The following FBRSL1 variants were observed in gnomAD, a reference collection of about 807,000 sequenced individuals.
FBRSL1 encodes fibrosin-1-like protein.
Under a neutral mutation model 89.6 loss-of-function variants are expected in FBRSL1, and 51 were observed. The observed-to-expected ratio is 0.57, with a 90% CI of 0.45 to 0.72. The LOEUF (loss-of-function observed/expected upper bound fraction) is 0.72. Ranked by LOEUF, FBRSL1 falls within the 30% of genes least tolerant of loss-of-function variation. The pLI is 0.00. For missense variants in FBRSL1, 1,618 were observed against 1,451.8 expected, an observed-to-expected ratio of 1.11 and a Z score of -1.86; for synonymous variants, 779 against 681.1, an observed-to-expected ratio of 1.14 and a Z score of -2.24.
chr12:132,541,638 G>C (rs980635320), intron 4 of FBRSL1, among the ~76,000 whole-genome samples: 8 of 152,252 alleles, frequency 5.3e-5, no homozygotes, highest in Admixed American at 3.9e-4. Flanking sequence ...CCAATCGTGA[G>C]ACATTTCACA....
chr12:132,504,933 C>T (rs892906983), intron 1 of FBRSL1, among the ~76,000 whole-genome samples: 1 of 152,108 alleles, frequency 6.6e-6, no homozygotes, highest in Non-Finnish European at 1.5e-5. Flanking sequence ...AGTTTGAGAC[C>T]AGCCTGGCCA....
intron 4 of FBRSL1, among the ~76,000 whole-genome samples, chr12:132,541,919 C>T (rs560101726): frequency 3.3e-5 from 5 of 152,340 alleles, no homozygotes; most frequent in Admixed American, 2.0e-4. Context: ...CCGAACCATC[C>T]GGGTTGCTGG....
intron 18 of FBRSL1, 103 bp downstream of exon 18, chr12:132,582,369 C>G: frequency 1.1e-6 from 1 of 939,964 alleles, no homozygotes; most frequent in Non-Finnish European, 1.6e-6. Flanking sequence ...CTCTTCTCCC[C>G]GTTTCCTCTC....
intron 15 of FBRSL1, among the ~76,000 whole-genome samples, chr12:132,578,092 A>G (rs530959312): frequency 6.6e-6 from 1 of 152,388 alleles, no homozygotes; most frequent in East Asian, 1.9e-4. Flanking sequence ...TCCTTACGAT[A>G]GCATAAACAG....
intron 2 of FBRSL1, among the ~76,000 whole-genome samples, chr12:132,517,434 G>A (rs1193095877): frequency 1.3e-5 from 2 of 152,220 alleles, no homozygotes; most frequent in Non-Finnish European, 2.9e-5. Flanking sequence ...AGGCTCTTCC[G>A]ACTGGCATCC....
In FBRSL1 at chr12:132,581,882, G is replaced by C. The variant is rs1372528279; in HGVS notation, c.1996+58G>C. 3.5e-5 allele frequency: 50 copies of C among 1,444,088 alleles called. No individual in the cohort carries two copies. The East Asian group carries it at 4.3e-4, about 12-fold the overall frequency. The allele number at this position is 1,444,088 out of a possible 1,614,324, so 89.5% of individuals were successfully genotyped here. A position where few individuals can be genotyped will look rare whatever the true frequency, so the allele number is the denominator to read the frequency against. ...ATGCCCGCGCCCCTCCCCCATGCCT[G>C]TGTCCTCTGCAGGAACCCCGATGCC... On this transcript the variant is annotated intron_variant, in intron 17 of 18. Coordinates refer to ENST00000680143, the MANE Select transcript of FBRSL1 (RefSeq NM_001367871.1).
In FBRSL1 at chr12:132,570,446, C is replaced by G; in HGVS notation, c.1119C>G (p.His373Gln). 2 of 1,534,672 alleles carry G rather than the reference C, an allele frequency of 1.3e-6. No homozygotes were observed. The highest frequency in any genetic ancestry group is 1.7e-6 in the Non-Finnish European group (2 of 1,145,746). The stretch of plus-strand genomic sequence containing the variant: ...TGGCGCTCCGGTCCCAGGCGCAGCA[C>G]CAGCTCCACGCGGCCATGTTTGCCG... ...SHLALRSQAQ[H>Q]QLHAAMFAAP... is the part of the protein sequence containing the mutation. Residue 373 changes from histidine (H) to glutamine (Q), a missense_variant, in exon 8 of 19, where the codon CAC becomes CAG. His to Gln is a conservative substitution (Grantham distance 24). Transcript: ENST00000680143.
chr12:132,574,221 C>T (rs1180434585), intron 12 of FBRSL1, 63 bp downstream of exon 12: 9 of 1,440,012 alleles, frequency 6.2e-6, no homozygotes, highest in East Asian at 2.5e-5. Flanking sequence ...GGGCCCTGTG[C>T]GGGCTGGTGG....
chr12:132,492,374 C>G (rs550363899), intron 1 of FBRSL1, among the ~76,000 whole-genome samples: 101 of 152,350 alleles, frequency 6.6e-4, no homozygotes, highest in African/African-American at 2.4e-3. Context: ...TTTGTCATCC[C>G]CACTCTGCAA....
chr12:132,506,882 C>G (rs1197368794), intron 1 of FBRSL1: 1 of 152,476 alleles, frequency 6.6e-6, no homozygotes. Context: ...TTCCTGGAGC[C>G]GGAAACAGCA....
At chr12:132,530,314 A>T (rs938100816) in intron 4 of FBRSL1, among the ~76,000 whole-genome samples, 7 of 152,198 alleles carry the variant, frequency 4.6e-5, no homozygotes, top group African/African-American at 1.4e-4. Flanking sequence ...GGGTGTCCTG[A>T]TGCAGACTCC....
At chr12:132,513,044 G>A (rs61952076) in intron 2 of FBRSL1, among the ~76,000 whole-genome samples, 5,966 of 152,352 alleles carry the variant, frequency 0.039, 159 homozygotes, top group Non-Finnish European at 0.062. Context: ...TGGGGACACT[G>A]CTGCCAGGCG....
At chr12:132,505,608 G>A (rs1004852451) in intron 1 of FBRSL1, among the ~76,000 whole-genome samples, 2 of 152,244 alleles carry the variant, frequency 1.3e-5, no homozygotes, top group Admixed American at 1.3e-4. Flanking sequence ...AGGTGTACGT[G>A]GAGTGACTGA....
At chr12:132,492,408 C>G (rs1017168454) in intron 1 of FBRSL1, among the ~76,000 whole-genome samples, 5 of 152,198 alleles carry the variant, frequency 3.3e-5, no homozygotes, top group Non-Finnish European at 5.9e-5. Context: ...TGTCTTTGCT[C>G]TCCATTTTCG....
At chr12:132,525,107 T>G (rs2035680513) in intron 2 of FBRSL1, among the ~76,000 whole-genome samples, 1 of 152,086 alleles carries the variant, frequency 6.6e-6, no homozygotes, top group Non-Finnish European at 1.5e-5. Flanking sequence ...GGTGCTCCCT[T>G]CAGCAGGTGA....
intron 13 of FBRSL1, 26 bp downstream of exon 13, chr12:132,574,374 G>A (rs913221973): frequency 1.9e-6 from 3 of 1,549,802 alleles, no homozygotes; most frequent in Non-Finnish European, 2.6e-6. Context: ...GAAGGCCCGT[G>A]GCAAGGGAGG....
chr12:132,568,389 C>G (rs1452844170), intron 6 of FBRSL1, among the ~76,000 whole-genome samples: 1 of 152,266 alleles, frequency 6.6e-6, no homozygotes, highest in Non-Finnish European at 1.5e-5. Flanking sequence ...AAGTTGGAAG[C>G]CTGTTCACAT....
intron 4 of FBRSL1, among the ~76,000 whole-genome samples, chr12:132,540,896 G>A (rs2037203756): frequency 6.6e-6 from 1 of 152,210 alleles, no homozygotes; most frequent in African/African-American, 2.4e-5. Flanking sequence ...TACAGCTGAA[G>A]AAAGTTATTT....
At chr12:132,516,485 G>A (rs945212532) in intron 2 of FBRSL1, among the ~76,000 whole-genome samples, 1 of 152,192 alleles carries the variant, frequency 6.6e-6, no homozygotes, top group African/African-American at 2.4e-5. Flanking sequence ...GCCCGGCTTA[G>A]ATAATCTGAA....
Sources: gnomAD v4.1 joint callset for allele counts (sites outside exome capture counted in the v4.1 genomes callset) on GRCh38, gnomAD v4.1.1 for gene constraint, MANE v1.5 for transcripts, NCBI Gene and HGNC (gene_info 2026-07-23, HGNC 2026-07-21) for gene names.